The following MGAT4C variants were observed in gnomAD, a reference collection of about 807,000 sequenced individuals.
The protein encoded by MGAT4C is alpha-1,3-mannosyl-glycoprotein 4-beta-N-acetylglucosaminyltransferase C.
Under a neutral mutation model 40.1 loss-of-function variants are expected in MGAT4C, and 19 were observed. The observed-to-expected ratio is 0.47, with a 90% CI of 0.33 to 0.70. MGAT4C has a LOEUF of 0.70. MGAT4C is among the 30% of genes least tolerant of loss of function. The pLI, the probability that MGAT4C is intolerant of heterozygous loss-of-function variation, is 0.02. For synonymous variants in MGAT4C, 181 were observed against 187.1 expected, an observed-to-expected ratio of 0.97 and a Z score of 0.27; for missense variants, 491 against 563.2, an observed-to-expected ratio of 0.87 and a Z score of 1.30.
intron 2 of MGAT4C, among the ~76,000 whole-genome samples, chr12:86,534,858 T>C (rs960131184): frequency 6.6e-6 from 1 of 152,264 alleles, no homozygotes; most frequent in African/African-American, 2.4e-5. Flanking sequence ...TGCTGCTTTA[T>C]GTTTGCAAAT....
intron 1 of MGAT4C, among the ~76,000 whole-genome samples, chr12:86,087,346 T>C (rs1872056419): frequency 6.6e-6 from 1 of 152,106 alleles, no homozygotes. Context: ...GTTGCTTCTG[T>C]AAAATATTCT....
At chr12:86,305,376 T>C (rs1953907916) in intron 4 of MGAT4C, among the ~76,000 whole-genome samples, 1 of 148,890 alleles carries the variant, frequency 6.7e-6, no homozygotes, top group Non-Finnish European at 1.5e-5. Flanking sequence ...GAGGCAGATA[T>C]TGTGGTGAGC....
At chr12:86,135,458 T>A (rs1322078880) in intron 1 of MGAT4C, among the ~76,000 whole-genome samples, 5 of 152,138 alleles carry the variant, frequency 3.3e-5, no homozygotes, top group Non-Finnish European at 7.4e-5. Context: ...ATGTGCGTGA[T>A]CTTATTTGTA....
chr12:86,424,890 G>T (rs2136261104), intron 3 of MGAT4C, among the ~76,000 whole-genome samples: 1 of 152,212 alleles, frequency 6.6e-6, no homozygotes, highest in Non-Finnish European at 1.5e-5. Context: ...CCGAGTAGCT[G>T]GGACTACAGG....
chr12:85,974,229 CTG>C lies in MGAT4C; in HGVS notation c.*5058_*5059del, dbSNP rs1221300012. ...AGGATGCACAAAGATCTCTAATGTG[CTG>C]TGATTTTCAAAGGATGTCATGTATA... On this transcript the variant is annotated 3_prime_UTR_variant, in exon 5 of 5. Coordinates refer to ENST00000611864, the MANE Select transcript of MGAT4C (RefSeq NM_001351288.2). 1 of 150,692 alleles carries C rather than the reference CTG, an allele frequency of 6.6e-6. No homozygotes were observed. The highest frequency in any genetic ancestry group is 2.4e-5 in the African/African-American group (1 of 41,252). The allele number at this position is 150,692 out of a possible 1,614,324, so 9.3% of individuals were successfully genotyped here.
chr12:86,246,866 G>A (rs1422128268), intron 1 of MGAT4C, among the ~76,000 whole-genome samples: 1 of 152,162 alleles, frequency 6.6e-6, no homozygotes, highest in African/African-American at 2.4e-5. Flanking sequence ...AAGGCCACCA[G>A]TGACCTTCCC....
intron 2 of MGAT4C, among the ~76,000 whole-genome samples, chr12:86,594,617 A>T (rs1432276110): frequency 6.6e-6 from 1 of 152,212 alleles, no homozygotes; most frequent in Non-Finnish European, 1.5e-5. Context: ...GAGAGAAATT[A>T]TTTCGCCAAT....
chr12:86,430,494 T>C (rs1957013645), intron 3 of MGAT4C, among the ~76,000 whole-genome samples: 1 of 152,154 alleles, frequency 6.6e-6, no homozygotes, highest in African/African-American at 2.4e-5. Flanking sequence ...CTGTGAGATC[T>C]CTAGTTAGTG....
intron 1 of MGAT4C, among the ~76,000 whole-genome samples, chr12:86,059,001 A>G (rs990332220): frequency 1.3e-5 from 2 of 151,574 alleles, no homozygotes; most frequent in Non-Finnish European, 2.9e-5. Context: ...ATGCCACAAC[A>G]CTCCATATCC....
At chr12:86,462,769 A>G (rs914754654) in intron 2 of MGAT4C, among the ~76,000 whole-genome samples, 1 of 152,192 alleles carries the variant, frequency 6.6e-6, no homozygotes, top group Non-Finnish European at 1.5e-5. Context: ...AGAAGCAGCC[A>G]TTATAGGAGA....
intron 1 of MGAT4C, among the ~76,000 whole-genome samples, chr12:86,741,342 T>C (rs1328654108): frequency 6.6e-6 from 1 of 151,286 alleles, no homozygotes; most frequent in Non-Finnish European, 1.5e-5. Flanking sequence ...TGTTCCAAGT[T>C]ATCAAACGTA....
chr12:86,012,778 AACCACCACCACCACC>A (rs1183997849), intron 2 of MGAT4C, among the ~76,000 whole-genome samples: 231 of 136,420 alleles, frequency 1.7e-3, no homozygotes, highest in African/African-American at 6.0e-3. Flanking sequence ...CAACAACAAC[AACCACCACCACCACC>A]ACCACCACCA....
intron 1 of MGAT4C, among the ~76,000 whole-genome samples, chr12:86,833,587 T>C (rs1215713760): frequency 6.6e-6 from 1 of 151,870 alleles, no homozygotes. Flanking sequence ...CTTCTTAGGA[T>C]ACCAGTCCTA....
intron 4 of MGAT4C, among the ~76,000 whole-genome samples, chr12:85,981,893 G>A (rs1210735259): frequency 1.3e-5 from 2 of 152,056 alleles, no homozygotes; most frequent in African/African-American, 4.8e-5. Context: ...ATGGGAAAAG[G>A]TAATCAGTAA....
intron 2 of MGAT4C, among the ~76,000 whole-genome samples, chr12:86,494,590 T>C (rs1296381353): frequency 6.6e-6 from 1 of 151,546 alleles, no homozygotes; most frequent in African/African-American, 2.4e-5. Context: ...GTATAAATGA[T>C]GCAAGAAACC....
intron 2 of MGAT4C, among the ~76,000 whole-genome samples, chr12:86,543,449 CT>C (rs1332239830): frequency 2.0e-5 from 3 of 151,550 alleles, no homozygotes; most frequent in Non-Finnish European, 4.4e-5. Flanking sequence ...TTAGATTATT[CT>C]GTTTCTCTTT....
intron 2 of MGAT4C, among the ~76,000 whole-genome samples, chr12:86,699,354 T>C (rs963475926): frequency 2.0e-5 from 3 of 152,182 alleles, no homozygotes; most frequent in African/African-American, 7.2e-5. Context: ...TTCCATGTCT[T>C]TGAAGAAGAA....
chr12:85,975,620 A>T lies in MGAT4C; in HGVS notation c.*3669T>A, dbSNP rs1000693663. The T allele has an allele frequency of 1.3e-5, 2 of 150,916 alleles. No homozygotes were observed. The highest frequency in any genetic ancestry group is 3.0e-5 in the Non-Finnish European group (2 of 67,118). 9.3% of individuals were successfully genotyped at this position (150,916 alleles called of 1,614,324 possible). A position where few individuals can be genotyped will look rare whatever the true frequency, so the allele number is the denominator to read the frequency against. ...GCATGCATATAAAATTTGTTGAAAC[A>T]CAAAGCTGAGGAGGCATAATAAGAC... On this transcript the variant is annotated 3_prime_UTR_variant, in exon 5 of 5. Coordinates refer to ENST00000611864, the MANE Select transcript of MGAT4C (RefSeq NM_001351288.2).
intron 1 of MGAT4C, among the ~76,000 whole-genome samples, chr12:86,229,942 G>C (rs61949038): frequency 0.067 from 10,244 of 152,028 alleles, 493 homozygotes; most frequent in Middle Eastern, 0.21. Context: ...AAATGCTTCT[G>C]TTCTTCCACC....
Sources: allele counts gnomAD v4.1 joint callset (sites outside exome capture counted in the v4.1 genomes callset), GRCh38; gene constraint gnomAD v4.1.1; transcripts MANE v1.5; gene names NCBI Gene and HGNC (gene_info 2026-07-23, HGNC 2026-07-21).